SRD5A2: variants seen among roughly 807,000 people sequenced by gnomAD.
SRD5A2 encodes 3-oxo-5-alpha-steroid 4-dehydrogenase 2.
Under a neutral mutation model 27.4 loss-of-function variants are expected in SRD5A2, and 30 were observed. The observed-to-expected ratio is 1.10, with a 90% CI of 0.82 to 1.49. SRD5A2 has a LOEUF of 1.49. Ranked by LOEUF, SRD5A2 falls within the 40% of genes most tolerant of loss-of-function variation. The pLI is 0.00. For synonymous variants in SRD5A2, 141 were observed against 133.6 expected, an observed-to-expected ratio of 1.06 and a Z score of -0.38; for missense variants, 348 against 323.4, an observed-to-expected ratio of 1.08 and a Z score of -0.58.
At chr2:31,599,750 C>A in the SRD5A2 span, among the ~76,000 whole-genome samples, 1 of 151,732 alleles carries the variant, frequency 6.6e-6, no homozygotes, top group Admixed American at 6.6e-5. Flanking sequence ...AAGATCAAAC[C>A]AAACCCAAAA....
intron 1 of SRD5A2, among the ~76,000 whole-genome samples, chr2:31,534,513 AC>A (rs1305548992): frequency 6.6e-6 from 1 of 152,190 alleles, no homozygotes; most frequent in African/African-American, 2.4e-5. Flanking sequence ...AATCCTATAC[AC>A]ACAATTGGAT....
chr2:31,588,579 T>C, the SRD5A2 span, among the ~76,000 whole-genome samples: 10 of 152,072 alleles, frequency 6.6e-5, no homozygotes, highest in African/African-American at 2.2e-4. Flanking sequence ...AAATAAAAGC[T>C]GAGGAATTTC....
the SRD5A2 span, among the ~76,000 whole-genome samples, chr2:31,625,854 G>A: frequency 6.6e-6 from 1 of 152,238 alleles, no homozygotes; most frequent in African/African-American, 2.4e-5. Context: ...GCTCTTTTCT[G>A]GTTCCATACG....
At chr2:31,592,938 T>C in the SRD5A2 span, among the ~76,000 whole-genome samples, 1 of 152,158 alleles carries the variant, frequency 6.6e-6, no homozygotes, top group Non-Finnish European at 1.5e-5. Flanking sequence ...CCATAAAAAA[T>C]GATGAGTTCA....
At chr2:31,547,562 A>C (rs1239614901) in intron 1 of SRD5A2, among the ~76,000 whole-genome samples, 1 of 152,228 alleles carries the variant, frequency 6.6e-6, no homozygotes, top group East Asian at 1.9e-4. Flanking sequence ...TCAAGTGTAC[A>C]TGGGCTATAT....
upstream of SRD5A2, among the ~76,000 whole-genome samples, chr2:31,583,639 G>A (rs999736096): frequency 4.5e-3 from 78 of 17,408 alleles, 4 homozygotes; most frequent in African/African-American, 8.3e-3. Context: ...CAAAAAAAAA[G>A]CAAAAAAAAA....
intron 2 of SRD5A2, among the ~76,000 whole-genome samples, chr2:31,532,298 T>C (rs1166838614): frequency 6.6e-6 from 1 of 151,708 alleles, no homozygotes; most frequent in East Asian, 1.9e-4. Flanking sequence ...CCCACTCTCA[T>C]GAAATAACGT....
chr2:31,578,370 G>C (rs890520549), intron 1 of SRD5A2, among the ~76,000 whole-genome samples: 93 of 150,796 alleles, frequency 6.2e-4, no homozygotes, highest in East Asian at 1.4e-3. Flanking sequence ...GGAGTCTACT[G>C]CCTGGGTTTG....
intron 2 of SRD5A2, 108 bp downstream of exon 2, chr2:31,533,495 A>T: frequency 1.0e-6 from 1 of 994,258 alleles, no homozygotes. Context: ...AGGGAGGGGA[A>T]GATGGGATCA....
At chr2:31,627,801 T>C in the SRD5A2 span, among the ~76,000 whole-genome samples, 1 of 152,166 alleles carries the variant, frequency 6.6e-6, no homozygotes, top group Non-Finnish European at 1.5e-5. Context: ...TTAGCATTGA[T>C]TTTTATTTTT....
At chr2:31,637,209 T>C in the SRD5A2 span, among the ~76,000 whole-genome samples, 72 of 152,196 alleles carry the variant, frequency 4.7e-4, no homozygotes, top group South Asian at 0.014. Context: ...GTAAGTTGTA[T>C]ATGTCCAGGA....
At chr2:31,655,427 A>C in the SRD5A2 span, among the ~76,000 whole-genome samples, 1 of 152,170 alleles carries the variant, frequency 6.6e-6, no homozygotes, top group Non-Finnish European at 1.5e-5. Context: ...ACTTACCTCC[A>C]ACAGCTAAAG....
chr2:31,591,002 A>G, the SRD5A2 span, among the ~76,000 whole-genome samples: 4 of 152,224 alleles, frequency 2.6e-5, no homozygotes, highest in Admixed American at 1.3e-4. Context: ...AACCTAGGCA[A>G]TACCATTCAG....
At chr2:31,614,630 T>C in the SRD5A2 span, among the ~76,000 whole-genome samples, 2 of 152,194 alleles carry the variant, frequency 1.3e-5, no homozygotes, top group Non-Finnish European at 2.9e-5. Flanking sequence ...TTCAACCCCA[T>C]GTTTCCCTTC....
At chr2:31,552,887 C>T (rs1332614516) in intron 1 of SRD5A2, among the ~76,000 whole-genome samples, 2 of 152,086 alleles carry the variant, frequency 1.3e-5, no homozygotes, top group Non-Finnish European at 2.9e-5. Flanking sequence ...GGAAACATGA[C>T]ACAATCAAAG....
chr2:31,527,505 C>G (rs1401941941), intron 4 of SRD5A2: 1 of 152,218 alleles, frequency 6.6e-6, no homozygotes, highest in Admixed American at 6.5e-5. Flanking sequence ...TCTGGGAGGT[C>G]TGACATCACA....
chr2:31,655,434 A>G, the SRD5A2 span, among the ~76,000 whole-genome samples: 1 of 152,196 alleles, frequency 6.6e-6, no homozygotes, highest in East Asian at 1.9e-4. Flanking sequence ...TCCAACAGCT[A>G]AAGTATCTCA....
At chr2:31,629,863 A>C in the SRD5A2 span, among the ~76,000 whole-genome samples, 3 of 152,116 alleles carry the variant, frequency 2.0e-5, no homozygotes, top group African/African-American at 4.8e-5. Flanking sequence ...CCTGCCTCCT[A>C]GGTACCAATG....
At chr2:31,548,339 A>G (rs894751397) in intron 1 of SRD5A2, among the ~76,000 whole-genome samples, 2 of 152,194 alleles carry the variant, frequency 1.3e-5, no homozygotes, top group African/African-American at 4.8e-5. Flanking sequence ...TTTGCAAAGC[A>G]TATATCTGAC....
Sources: allele counts gnomAD v4.1 joint callset (sites outside exome capture counted in the v4.1 genomes callset), GRCh38; gene constraint gnomAD v4.1.1; transcripts MANE v1.5; gene names NCBI Gene and HGNC (gene_info 2026-07-23, HGNC 2026-07-21).